Variants in CNTN6 observed in about 807,000 individuals in gnomAD.
CNTN6 encodes contactin 6.
Under a neutral mutation model 122.8 loss-of-function variants are expected in CNTN6, and 137 were observed. That is an observed-to-expected ratio of 1.12 (90% CI 0.97 to 1.29). The LOEUF (loss-of-function observed/expected upper bound fraction) is 1.29, where lower values mean the gene tolerates loss of function less well. CNTN6 is among the 50% of genes most tolerant of loss of function. The probability of loss-of-function intolerance (pLI) is 0.00; values close to 1 mark genes in which losing one functional copy is unlikely to be tolerated. For synonymous variants in CNTN6, 570 were observed against 426.0 expected (o/e 1.34, Z -4.16); for missense variants, 1,634 against 1,223.4 (o/e 1.34, Z -5.01).
intron 7 of CNTN6, among the ~76,000 whole-genome samples, chr3:1,304,786 G>C (rs1698059516): frequency 1.3e-5 from 2 of 151,992 alleles, no homozygotes; most frequent in Non-Finnish European, 2.9e-5. Context: ...GAGGTCAGGA[G>C]TTCAAGACCA....
chr3:1,312,370 C>T (rs184599218), intron 7 of CNTN6, among the ~76,000 whole-genome samples: 8 of 151,864 alleles, frequency 5.3e-5, no homozygotes, highest in Non-Finnish European at 1.0e-4. Context: ...TCATCCTTTC[C>T]ATCCCAGTCT....
chr3:1,102,655 G>C (rs1431362903), intron 1 of CNTN6, among the ~76,000 whole-genome samples: 4 of 150,112 alleles, frequency 2.7e-5, no homozygotes, highest in Non-Finnish European at 4.5e-5. Context: ...GGGAACCCGG[G>C]GGGCGGAGCT....
chr3:1,147,454 T>C (rs1168443439), intron 1 of CNTN6, among the ~76,000 whole-genome samples: 1 of 152,118 alleles, frequency 6.6e-6, no homozygotes, highest in Non-Finnish European at 1.5e-5. Context: ...TTCTAAATTT[T>C]TATGAGTTTA....
chr3:1,307,898 T>G (rs879165203), intron 7 of CNTN6, among the ~76,000 whole-genome samples: 1 of 152,308 alleles, frequency 6.6e-6, no homozygotes, highest in East Asian at 1.9e-4. Flanking sequence ...CAGATGATGC[T>G]GGCCTTGATT....
At chr3:1,354,914 C>T (rs997891826) in intron 12 of CNTN6, among the ~76,000 whole-genome samples, 1 of 151,484 alleles carries the variant, frequency 6.6e-6, no homozygotes, top group Non-Finnish European at 1.5e-5. Flanking sequence ...ACCTCACTCT[C>T]CTAAGGGGGT....
At chr3:1,188,969 G>A (rs3772356) in intron 2 of CNTN6, among the ~76,000 whole-genome samples, 18,769 of 152,156 alleles carry the variant, frequency 0.12, 1,249 homozygotes, top group East Asian at 0.23. Flanking sequence ...CACAGACCTG[G>A]CAGAAGCTTC....
chr3:1,110,774 C>T (rs999533207), intron 1 of CNTN6, among the ~76,000 whole-genome samples: 58 of 152,232 alleles, frequency 3.8e-4, no homozygotes, highest in African/African-American at 1.3e-3. Flanking sequence ...GAAGTCCTCC[C>T]AGGTCCTGAT....
chr3:1,152,952 C>T (rs1165428327), intron 2 of CNTN6, among the ~76,000 whole-genome samples: 1 of 152,100 alleles, frequency 6.6e-6, no homozygotes, highest in Non-Finnish European at 1.5e-5. Context: ...TTTCCTGATA[C>T]TAAATATTCA....
At chr3:1,301,857 C>T (rs771692959) in intron 7 of CNTN6, among the ~76,000 whole-genome samples, 14 of 152,150 alleles carry the variant, frequency 9.2e-5, no homozygotes, top group South Asian at 2.1e-4. Flanking sequence ...GGAAAACTTA[C>T]AAATGTGAGT....
rs1553610583 is a variant in CNTN6 at position 1,158,824 on chromosome 3, A to ATATATATGTGTGTGTATATATATG, written c.55+10768_55+10769insGTGTGTGTATATATATGTATATAT. 5.5e-4 allele frequency among the ~76,000 whole-genome samples: 42 copies of ATATATATGTGTGTGTATATATATG among 76,206 alleles called. 3 individuals carry two copies. Among genetic ancestry groups the ATATATATGTGTGTGTATATATATG allele is most frequent in the Admixed American group, 2.2e-3 (17 of 7,558 alleles). 50.0% of individuals were successfully genotyped at this position (76,206 alleles called of 152,430 possible). A position where few individuals can be genotyped will look rare whatever the true frequency, so the allele number is the denominator to read the frequency against. The stretch of plus-strand genomic sequence containing the variant: ...TATACACACATATATATACACACAC[A>ATATATATGTGTGTGTATATATATG]TATATATACACACACATATATATAC... On this transcript the variant is annotated intron_variant, in intron 2 of 22. Coordinates refer to ENST00000446702, the MANE Select transcript of CNTN6 (RefSeq NM_001289080.2).
chr3:1,107,754 T>A (rs1462402161), intron 1 of CNTN6, among the ~76,000 whole-genome samples: 1 of 152,042 alleles, frequency 6.6e-6, no homozygotes, highest in African/African-American at 2.4e-5. Context: ...TTCAGAGTTG[T>A]GACCTGAACG....
chr3:1,095,200 C>T (rs79653289), intron 1 of CNTN6, among the ~76,000 whole-genome samples: 6,475 of 152,008 alleles, frequency 0.043, 197 homozygotes, highest in South Asian at 0.066. Context: ...TGGCCGCGCG[C>T]GGTGGTTCAC....
chr3:1,176,780 T>C (rs1157207942), intron 2 of CNTN6, among the ~76,000 whole-genome samples: 3 of 152,148 alleles, frequency 2.0e-5, no homozygotes, highest in Non-Finnish European at 4.4e-5. Context: ...AATTCATAGA[T>C]AGATGTTTAG....
At chr3:1,111,528 G>T (rs1391729265) in intron 1 of CNTN6, among the ~76,000 whole-genome samples, 2 of 152,052 alleles carry the variant, frequency 1.3e-5, no homozygotes, top group African/African-American at 2.4e-5. Flanking sequence ...CAAAATTAAC[G>T]CATTTTACCA....
chr3:1,270,590 G>T (rs1451398227), intron 4 of CNTN6, among the ~76,000 whole-genome samples: 1 of 152,174 alleles, frequency 6.6e-6, no homozygotes, highest in Non-Finnish European at 1.5e-5. Flanking sequence ...TCGTGAAGGT[G>T]AACAAGTGCT....
At chr3:1,296,133 A>G (rs1459513239) in intron 6 of CNTN6, among the ~76,000 whole-genome samples, 1 of 152,054 alleles carries the variant, frequency 6.6e-6, no homozygotes, top group African/African-American at 2.4e-5. Context: ...GGTGCTGCCA[A>G]ACATATAACT....
intron 7 of CNTN6, among the ~76,000 whole-genome samples, chr3:1,304,007 C>A (rs1040008204): frequency 6.6e-6 from 1 of 152,150 alleles, no homozygotes; most frequent in Non-Finnish European, 1.5e-5. Flanking sequence ...ATGTGACACT[C>A]CTATGCAGAT....
At chr3:1,269,053 A>G (rs1292472709) in intron 4 of CNTN6, among the ~76,000 whole-genome samples, 1 of 152,180 alleles carries the variant, frequency 6.6e-6, no homozygotes, top group Non-Finnish European at 1.5e-5. Context: ...CCCTCGTATC[A>G]TCAGTAATGT....
intron 20 of CNTN6, among the ~76,000 whole-genome samples, chr3:1,396,808 T>C (rs987554345): frequency 7.2e-5 from 11 of 152,346 alleles, no homozygotes; most frequent in Non-Finnish European, 1.5e-4. Flanking sequence ...GAAACATTGA[T>C]GATAACCATG....
Sources: allele counts gnomAD v4.1 joint callset (sites outside exome capture counted in the v4.1 genomes callset), GRCh38; gene constraint gnomAD v4.1.1; transcripts MANE v1.5; gene names NCBI Gene and HGNC (gene_info 2026-07-23, HGNC 2026-07-21).